TEAD1: variants seen among roughly 807,000 people sequenced by gnomAD.
The protein encoded by TEAD1 is transcriptional enhancer factor TEF-1.
TEAD1 carries 9 observed loss-of-function variants against 54.9 expected under a neutral mutation model. The ratio of observed to expected loss-of-function variants is 0.16; its 90% CI spans 0.10 to 0.29. The LOEUF (loss-of-function observed/expected upper bound fraction) is 0.29. Among genes scored for constraint, TEAD1 ranks in the 10% least tolerant of loss-of-function variants. The pLI, the probability that TEAD1 is intolerant of heterozygous loss-of-function variation, is 1.00. For synonymous variants in TEAD1, 200 were observed against 187.8 expected (o/e 1.07, Z -0.53); for missense variants, 387 against 535.9 (o/e 0.72, Z 2.74).
chr11:12,875,324 T>G (rs1361342872), intron 5 of TEAD1, among the ~76,000 whole-genome samples: 3 of 152,186 alleles, frequency 2.0e-5, no homozygotes. Context: ...AGCAGTTCAC[T>G]CAGGTCTGAC....
At chr11:12,701,859 G>C (rs1943709485) in intron 2 of TEAD1, among the ~76,000 whole-genome samples, 1 of 152,134 alleles carries the variant, frequency 6.6e-6, no homozygotes, top group South Asian at 2.1e-4. Context: ...ATGATCTCCT[G>C]GACTACACTG....
intron 3 of TEAD1, among the ~76,000 whole-genome samples, chr11:12,799,143 G>C (rs1945999217): frequency 6.6e-6 from 1 of 152,184 alleles, no homozygotes; most frequent in African/African-American, 2.4e-5. Context: ...TCATTTGTTT[G>C]TTTATTTACC....
intron 3 of TEAD1, among the ~76,000 whole-genome samples, chr11:12,842,142 AAC>A (rs1438244693): frequency 6.6e-6 from 1 of 152,226 alleles, no homozygotes; most frequent in Non-Finnish European, 1.5e-5. Flanking sequence ...AGCTTGTCAT[AAC>A]ACATTATAAT....
At chr11:12,839,387 G>C (rs752885859) in intron 3 of TEAD1, among the ~76,000 whole-genome samples, 1 of 152,130 alleles carries the variant, frequency 6.6e-6, no homozygotes, top group South Asian at 2.1e-4. Flanking sequence ...CTCCAGCCTC[G>C]GTGACAGAGT....
chr11:12,677,062 G>A (rs1327561309), intron 2 of TEAD1, among the ~76,000 whole-genome samples: 1 of 151,978 alleles, frequency 6.6e-6, no homozygotes, highest in African/African-American at 2.4e-5. Flanking sequence ...AAAATTATAG[G>A]GAAGAATCTG....
chr11:12,845,571 G>A (rs977385074), intron 3 of TEAD1, among the ~76,000 whole-genome samples: 7 of 152,206 alleles, frequency 4.6e-5, no homozygotes, highest in Non-Finnish European at 7.3e-5. Context: ...GTGTACACGT[G>A]TGTGATGGCT....
chr11:12,681,076 A>T (rs1427052689), intron 2 of TEAD1, among the ~76,000 whole-genome samples: 1 of 152,106 alleles, frequency 6.6e-6, no homozygotes, highest in Non-Finnish European at 1.5e-5. Flanking sequence ...TTTCATCTCA[A>T]AGCCTTTGAG....
chr11:12,675,398 C>G lies in TEAD1; in HGVS notation c.-207-11C>G, dbSNP rs1014670201. 1 of 152,642 alleles carries G rather than the reference C, an allele frequency of 6.6e-6. No individual in the cohort carries two copies. Among genetic ancestry groups the G allele is most frequent in the Non-Finnish European group, 1.5e-5 (1 of 68,438 alleles). 9.5% of individuals were successfully genotyped at this position (152,642 alleles called of 1,614,324 possible). A position where few individuals can be genotyped will look rare whatever the true frequency, so the allele number is the denominator to read the frequency against. ...TGAAAAAGGGCACGGTCGTCTTTGC[C>G]GCTTCTCCAGGACTGTTGCTGCCGC... On this transcript the variant is annotated splice_polypyrimidine_tract_variant and intron_variant, in intron 1 of 12. Coordinates refer to ENST00000527636, the MANE Select transcript of TEAD1 (RefSeq NM_021961.6).
intron 2 of TEAD1, among the ~76,000 whole-genome samples, chr11:12,723,510 G>A (rs1465270502): frequency 6.6e-6 from 1 of 152,122 alleles, no homozygotes; most frequent in Admixed American, 6.5e-5. Context: ...TTAACTGTTC[G>A]TGATTTTAAC....
chr11:12,898,399 T>C (rs1948355205), intron 9 of TEAD1, among the ~76,000 whole-genome samples: 1 of 92,450 alleles, frequency 1.1e-5, no homozygotes, highest in Non-Finnish European at 2.2e-5. Flanking sequence ...ACATGAACAC[T>C]TTTTTTTTTT....
chr11:12,829,115 C>G (rs940241002), intron 3 of TEAD1, among the ~76,000 whole-genome samples: 1 of 152,124 alleles, frequency 6.6e-6, no homozygotes, highest in Admixed American at 6.5e-5. Flanking sequence ...AGCAGAGGCT[C>G]TGATCCAGAG....
chr11:12,924,792 A>C, intron 10 of TEAD1, 120 bp from the exon 11 acceptor site: 1 of 1,261,390 alleles, frequency 7.9e-7, no homozygotes, highest in Non-Finnish European at 1.2e-6. Context: ...GATGAGCATC[A>C]CCTTCCCAAG....
chr11:12,784,273 T>A (rs1040717539), intron 3 of TEAD1, among the ~76,000 whole-genome samples: 19 of 151,924 alleles, frequency 1.3e-4, no homozygotes, highest in Admixed American at 4.6e-4. Flanking sequence ...GGGAGACAAG[T>A]TGTAAGGGCC....
At position 12,941,210 on chromosome 11, in the gene TEAD1, C is replaced by G. The variant is rs1202539844; in HGVS notation, c.*3988C>G. 1 of 152,264 alleles carries G rather than the reference C, an allele frequency of 6.6e-6. No individual in the cohort carries two copies. Among genetic ancestry groups the G allele is most frequent in the Non-Finnish European group, 1.5e-5 (1 of 68,084 alleles). The allele number at this position is 152,264 out of a possible 1,614,324, so 9.4% of individuals were successfully genotyped here. On this transcript the variant is annotated 3_prime_UTR_variant, in exon 13 of 13. Transcript: ENST00000527636. The stretch of plus-strand genomic sequence containing the variant: ...AGCACAGCCTCACCGGATGCTGCTT[C>G]CCACACTGAAGTGTCCTGTCCGACC...
chr11:12,771,896 C>T (rs1033031635), intron 3 of TEAD1, among the ~76,000 whole-genome samples: 11 of 152,202 alleles, frequency 7.2e-5, no homozygotes, highest in Admixed American at 2.0e-4. Flanking sequence ...CCAAGGCTCA[C>T]TATCAACAGA....
intron 3 of TEAD1, among the ~76,000 whole-genome samples, chr11:12,773,047 T>C (rs1945345171): frequency 6.6e-6 from 1 of 152,218 alleles, no homozygotes; most frequent in African/African-American, 2.4e-5. Context: ...CTTTTGGGAT[T>C]GGCTTTTTTT....
At chr11:12,692,438 T>C (rs544174735) in intron 2 of TEAD1, among the ~76,000 whole-genome samples, 2 of 152,314 alleles carry the variant, frequency 1.3e-5, no homozygotes, top group Non-Finnish European at 2.9e-5. Context: ...TCCACACCAC[T>C]GAGAAGTTAA....
At chr11:12,831,356 G>A (rs1188002676) in intron 3 of TEAD1, among the ~76,000 whole-genome samples, 3 of 152,136 alleles carry the variant, frequency 2.0e-5, no homozygotes, top group Non-Finnish European at 2.9e-5. Flanking sequence ...AGTGCCCTGA[G>A]CTGATCTTAG....
At chr11:12,930,768 T>G (rs890007969) in intron 12 of TEAD1, among the ~76,000 whole-genome samples, 29 of 152,304 alleles carry the variant, frequency 1.9e-4, no homozygotes, top group East Asian at 5.8e-4. Context: ...CAACATGGTA[T>G]GCAAATCAGG....
Sources: allele counts gnomAD v4.1 joint callset (sites outside exome capture counted in the v4.1 genomes callset), GRCh38; gene constraint gnomAD v4.1.1; transcripts MANE v1.5; gene names NCBI Gene and HGNC (gene_info 2026-07-23, HGNC 2026-07-21).